SKP1: variants seen among roughly 807,000 people sequenced by gnomAD.
SKP1 encodes the protein S-phase kinase associated protein 1.
In SKP1, 1 loss-of-function variant was observed where a neutral mutation model predicts 21.5. The ratio of observed to expected loss-of-function variants is 0.05; its 90% CI spans 0.02 to 0.22. The LOEUF (loss-of-function observed/expected upper bound fraction) is 0.22. Ranked by LOEUF, SKP1 falls within the 10% of genes least tolerant of loss-of-function variation. SKP1 has a pLI of 1.00. For missense variants in SKP1, 70 were observed against 192.0 expected (o/e 0.36, Z 3.76); for synonymous variants, 59 against 59.3 (o/e 0.99, Z 0.03).
At chr5:134,162,756 G>A (rs1761243405) in intron 3 of SKP1, among the ~76,000 whole-genome samples, 2 of 151,784 alleles carry the variant, frequency 1.3e-5, no homozygotes, top group African/African-American at 4.8e-5. Flanking sequence ...ATTTAAAAAC[G>A]TCAATATTTG....
chr5:134,165,627 C>T (rs756559511), intron 3 of SKP1, among the ~76,000 whole-genome samples: 6 of 142,406 alleles, frequency 4.2e-5, no homozygotes, highest in Non-Finnish European at 7.5e-5. Flanking sequence ...TGGCTCATGC[C>T]TGTAATCCCA....
At chr5:134,171,251 T>C (rs1761435194) in intron 2 of SKP1, among the ~76,000 whole-genome samples, 1 of 152,228 alleles carries the variant, frequency 6.6e-6, no homozygotes, top group Admixed American at 6.5e-5. Context: ...TATCTGCTGC[T>C]AGAAGTCCTC....
In SKP1 at chr5:134,154,825, A is replaced by G. The variant is rs1056130475; in HGVS notation, c.*2908T>C. ...CAAGGGTTTTCTTTCCTTTACTACT[A>G]TAACAGTAATTAGAGAAAGTCTTCA... On this transcript the variant is annotated 3_prime_UTR_variant, in exon 6 of 6. Coordinates refer to ENST00000353411, the MANE Select transcript of SKP1 (RefSeq NM_170679.3). 1 of 152,204 alleles carries G rather than the reference A, an allele frequency of 6.6e-6. No homozygotes were observed. Among genetic ancestry groups the G allele is most frequent in the Non-Finnish European group, 1.5e-5 (1 of 68,046 alleles). The allele number at this position is 152,204 out of a possible 1,614,324, so 9.4% of individuals were successfully genotyped here. A position where few individuals can be genotyped will look rare whatever the true frequency, so the allele number is the denominator to read the frequency against.
At position 134,157,700 on chromosome 5, in the gene SKP1, T is replaced by A. The variant is rs1463411567; in HGVS notation, c.*33A>T. 6.4e-7 allele frequency: 1 copy of A among 1,553,956 alleles called. No individual in the cohort carries two copies. Among genetic ancestry groups the A allele is most frequent in the East Asian group, 2.2e-5 (1 of 44,556 alleles). On this transcript the variant is annotated 3_prime_UTR_variant, in exon 6 of 6. Coordinates refer to ENST00000353411, the MANE Select transcript of SKP1 (RefSeq NM_170679.3). ...GCAGTGCAACTAGTATTTGGAACAA[T>A]CCTTACAGTGTTACAGTGTCAGGCA...
At chr5:134,157,895 A>C (rs368197230) in intron 5 of SKP1, 127 bp from the exon 6 acceptor site, 325 of 1,588,676 alleles carry the variant, frequency 2.0e-4, no homozygotes, top group Admixed American at 1.2e-3. Flanking sequence ...AATTAGAACA[A>C]CACCAGGTTA....
At chr5:134,167,302 C>T (rs1761349966) in intron 2 of SKP1, 59 bp from the exon 3 acceptor site, 3 of 1,062,390 alleles carry the variant, frequency 2.8e-6, no homozygotes, top group Non-Finnish European at 4.4e-6. Flanking sequence ...TTATACCAAC[C>T]AGGCTATGTC....
intron 2 of SKP1, chr5:134,173,439 C>T (rs772297471): frequency 7.7e-6 from 2 of 259,356 alleles, no homozygotes; most frequent in African/African-American, 2.2e-5. Context: ...TGCAGTGAGC[C>T]GTGACTGCAT....
rs765320550 is a variant in SKP1, at chr5:134,150,721, A to G, written c.*7012T>C. The G allele has an allele frequency of 1.6e-4, 24 of 152,158 alleles. No homozygotes were observed. Among genetic ancestry groups the G allele is most frequent in the Admixed American group, 1.4e-3 (22 of 15,272 alleles). The allele number at this position is 152,158 out of a possible 1,614,324, so 9.4% of individuals were successfully genotyped here. A position where few individuals can be genotyped will look rare whatever the true frequency, so the allele number is the denominator to read the frequency against. On this transcript the variant is annotated 3_prime_UTR_variant, in exon 6 of 6. Transcript: ENST00000353411. ...GACCCTGGTTGTGTCAACTCCCCCA[A>G]TCCCAACTTATTGTGATAACCTTGT...
Position 134,153,854 on chromosome 5 carries a change from TC to T in SKP1, c.*3878del, listed in dbSNP as rs1208627240. 1 of 152,126 alleles carries T rather than the reference TC, an allele frequency of 6.6e-6. No individual in the cohort carries two copies. The highest frequency in any genetic ancestry group is 2.4e-5 in the African/African-American group (1 of 41,428). The allele number at this position is 152,126 out of a possible 1,614,324, so 9.4% of individuals were successfully genotyped here. ...CCACAGTGACTCACTGTTACTATCC[TC>T]CCTCCCCAGCTAGTTTTAAGATAAG... On this transcript the variant is annotated 3_prime_UTR_variant, in exon 6 of 6. Transcript: ENST00000353411.
At chr5:134,169,547 G>A (rs973606407) in intron 2 of SKP1, among the ~76,000 whole-genome samples, 4 of 152,202 alleles carry the variant, frequency 2.6e-5, no homozygotes, top group Non-Finnish European at 5.9e-5. Flanking sequence ...ATGTAATTTG[G>A]AACGAGGCTT....
chr5:134,170,301 A>G (rs748962218), intron 2 of SKP1, among the ~76,000 whole-genome samples: 3 of 152,232 alleles, frequency 2.0e-5, no homozygotes, highest in Non-Finnish European at 4.4e-5. Context: ...GGCTCAAGTA[A>G]TCCTCTTTAA....
chr5:134,165,830 G>C (rs1182826615), intron 3 of SKP1, among the ~76,000 whole-genome samples: 7 of 152,010 alleles, frequency 4.6e-5, no homozygotes, highest in Non-Finnish European at 1.0e-4. Flanking sequence ...AGGCTGCAGT[G>C]AGCCGAGATT....
intron 4 of SKP1, among the ~76,000 whole-genome samples, chr5:134,159,640 C>T (rs1372562598): frequency 2.0e-5 from 3 of 152,054 alleles, no homozygotes; most frequent in Admixed American, 6.5e-5. Context: ...CTCCACCTCC[C>T]GGGTTCATGC....
rs1301984829 is a variant in SKP1 at position 134,167,162 on chromosome 5, G to C, written c.171+8C>G. On this transcript the variant is annotated splice_region_variant and intron_variant, in intron 3 of 5. Coordinates refer to ENST00000353411, the MANE Select transcript of SKP1 (RefSeq NM_170679.3). The stretch of plus-strand genomic sequence containing the variant: ...GCAGAATAAACTTAAACTCTTTAAA[G>C]ACCTTACCTTTTTTAATATTGCTGC... 1 of 1,511,864 alleles carries C rather than the reference G, an allele frequency of 6.6e-7. No individual in the cohort carries two copies. The allele number at this position is 1,511,864 out of a possible 1,614,324, so 93.7% of individuals were successfully genotyped here. A position where few individuals can be genotyped will look rare whatever the true frequency, so the allele number is the denominator to read the frequency against.
intron 4 of SKP1, among the ~76,000 whole-genome samples, chr5:134,160,576 T>C (rs1336095563): frequency 6.6e-6 from 1 of 152,194 alleles, no homozygotes; most frequent in Non-Finnish European, 1.5e-5. Flanking sequence ...ATAATTGTTA[T>C]GTCTTTTTAA....
chr5:134,166,653 A>C (rs1230140615), intron 3 of SKP1, among the ~76,000 whole-genome samples: 1 of 152,106 alleles, frequency 6.6e-6, no homozygotes, highest in East Asian at 1.9e-4. Flanking sequence ...TGTATTACAA[A>C]ATACTGAAAG....
At chr5:134,162,292 A>G (rs573301648) in intron 3 of SKP1, among the ~76,000 whole-genome samples, 3 of 152,180 alleles carry the variant, frequency 2.0e-5, no homozygotes, top group African/African-American at 7.2e-5. Flanking sequence ...TTTTGTAGAG[A>G]TAAGGTTTCA....
intron 5 of SKP1, chr5:134,158,044 A>C: frequency 6.8e-7 from 1 of 1,465,626 alleles, no homozygotes. Context: ...ACATTATTTC[A>C]GTCTGTAGTC....
chr5:134,174,588 A>G (rs1413672036), intron 1 of SKP1: 1 of 486,452 alleles, frequency 2.1e-6, no homozygotes, highest in East Asian at 1.5e-4. Flanking sequence ...CAATTCCCTA[A>G]ATCTACTTAA....
Sources: allele counts gnomAD v4.1 joint callset (sites outside exome capture counted in the v4.1 genomes callset), GRCh38; gene constraint gnomAD v4.1.1; transcripts MANE v1.5; gene names NCBI Gene and HGNC (gene_info 2026-07-23, HGNC 2026-07-21).